Variants in ENOX1 observed in about 807,000 individuals in gnomAD.
ENOX1 encodes candidate growth-related and time keeping constitutive hydroquinone (NADH) oxidase.
Under a neutral mutation model 82.5 loss-of-function variants are expected in ENOX1, and 42 were observed. The ratio of observed to expected loss-of-function variants is 0.51; its 90% CI spans 0.40 to 0.66. The LOEUF is 0.66. Among genes scored for constraint, ENOX1 ranks in the 30% least tolerant of loss-of-function variants. The probability of loss-of-function intolerance (pLI) is 0.00; values close to 1 mark genes in which losing one functional copy is unlikely to be tolerated. For synonymous variants in ENOX1, 271 were observed against 282.2 expected, an observed-to-expected ratio of 0.96 and a Z score of 0.40; for missense variants, 608 against 811.6, an observed-to-expected ratio of 0.75 and a Z score of 3.05.
chr13:43,315,951 G>T (rs1886326), intron 11 of ENOX1, among the ~76,000 whole-genome samples: 1 of 152,028 alleles, frequency 6.6e-6, no homozygotes, highest in Non-Finnish European at 1.5e-5. Context: ...GGCACTTTGG[G>T]CTGCACACAG....
chr13:43,411,541 A>G (rs1463940633), intron 5 of ENOX1, among the ~76,000 whole-genome samples: 2 of 152,226 alleles, frequency 1.3e-5, no homozygotes, highest in Non-Finnish European at 2.9e-5. Flanking sequence ...CATTAACAAG[A>G]GCAATAACAA....
At chr13:43,295,356 C>T (rs1384402556) in intron 12 of ENOX1, among the ~76,000 whole-genome samples, 11 of 152,286 alleles carry the variant, frequency 7.2e-5, no homozygotes, top group Non-Finnish European at 2.9e-5. Context: ...TAAATTGTGA[C>T]TCACATGGTG....
At chr13:43,748,226 A>T (rs1381877582) in intron 1 of ENOX1, among the ~76,000 whole-genome samples, 1 of 152,170 alleles carries the variant, frequency 6.6e-6, no homozygotes, top group African/African-American at 2.4e-5. Context: ...TTACTCTGAG[A>T]AACAGTCCAT....
chr13:43,765,362 T>A (rs562593677), intron 1 of ENOX1, among the ~76,000 whole-genome samples: 1 of 152,176 alleles, frequency 6.6e-6, no homozygotes, highest in Non-Finnish European at 1.5e-5. Context: ...CTTAATACTA[T>A]GCTCCCTGGA....
chr13:43,758,975 A>G (rs114149068), intron 1 of ENOX1, among the ~76,000 whole-genome samples: 2,187 of 152,312 alleles, frequency 0.014, 49 homozygotes, highest in African/African-American at 0.048. Context: ...GAGCAAAGGA[A>G]AGGACGCTCT....
At chr13:43,536,839 C>T (rs1593693149) in intron 2 of ENOX1, among the ~76,000 whole-genome samples, 1 of 152,280 alleles carries the variant, frequency 6.6e-6, no homozygotes, top group Admixed American at 6.5e-5. Context: ...TAAATGGATG[C>T]TCTATTTGTA....
At chr13:43,621,718 T>C (rs1042489557) in intron 2 of ENOX1, among the ~76,000 whole-genome samples, 1 of 152,202 alleles carries the variant, frequency 6.6e-6, no homozygotes, top group Admixed American at 6.5e-5. Context: ...GATAACCTGA[T>C]GACAATGTGC....
chr13:43,609,809 G>C (rs2082123943), intron 2 of ENOX1: 1 of 399,770 alleles, frequency 2.5e-6, no homozygotes, highest in Non-Finnish European at 3.4e-6. Context: ...ATTAATGTAA[G>C]GTGTATCAAC....
At chr13:43,753,604 A>G (rs1481918258) in intron 1 of ENOX1, among the ~76,000 whole-genome samples, 1 of 152,190 alleles carries the variant, frequency 6.6e-6, no homozygotes, top group Non-Finnish European at 1.5e-5. Context: ...AACTACCCAT[A>G]GGGAAAGACA....
intron 2 of ENOX1, among the ~76,000 whole-genome samples, chr13:43,581,675 T>C (rs931429619): frequency 3.9e-5 from 6 of 152,230 alleles, no homozygotes; most frequent in Non-Finnish European, 7.3e-5. Context: ...TGGGTATTTT[T>C]GATTGTCAAA....
Position 43,411,923 on chromosome 13 carries a change from G to A in ENOX1, c.201C>T (p.Leu67=), listed in dbSNP as rs764324372. 33 of 1,614,048 alleles carry A rather than the reference G, an allele frequency of 2.0e-5. No individual in the cohort carries two copies. The highest frequency in any genetic ancestry group is 3.3e-5 in the Admixed American group (2 of 60,010). The change falls in exon 5 of 17, where the codon CTC becomes CTT. Residue 67 remains leucine, a synonymous_variant. Coordinates refer to ENST00000690772, the MANE Select transcript of ENOX1 (RefSeq NM_001347969.2). The stretch of plus-strand genomic sequence containing the variant: ...AACCAGGAGAAAGCTTACCAGACAC[G>A]AGCTGCTGTCCAGGCAACCCTACGG... ...MVPVGLPGQQ[L]VSDSICVPGF...
chr13:43,575,517 G>A (rs1328338247), intron 2 of ENOX1, among the ~76,000 whole-genome samples: 1 of 152,120 alleles, frequency 6.6e-6, no homozygotes, highest in Non-Finnish European at 1.5e-5. Context: ...TAGTGTTCAG[G>A]TCACACCTTC....
At chr13:43,652,321 C>T (rs1304690384) in intron 2 of ENOX1, among the ~76,000 whole-genome samples, 1 of 152,182 alleles carries the variant, frequency 6.6e-6, no homozygotes, top group Non-Finnish European at 1.5e-5. Context: ...CACAATAACA[C>T]AGAGGCCCTA....
chr13:43,475,778 CA>C (rs1447178823), intron 3 of ENOX1, among the ~76,000 whole-genome samples: 1 of 10,190 alleles, frequency 9.8e-5, no homozygotes, highest in East Asian at 3.2e-3. Context: ...CAATCATATA[CA>C]AAAACATAAC....
chr13:43,666,446 A>G (rs1473767709), intron 2 of ENOX1, among the ~76,000 whole-genome samples: 4 of 152,182 alleles, frequency 2.6e-5, no homozygotes, highest in Admixed American at 2.6e-4. Flanking sequence ...GTGTCCTTAC[A>G]AAAAGGAAAC....
chr13:43,572,388 T>A (rs2080224002), intron 2 of ENOX1, among the ~76,000 whole-genome samples: 1 of 152,228 alleles, frequency 6.6e-6, no homozygotes, highest in South Asian at 2.1e-4. Flanking sequence ...CCTTCTTGCC[T>A]GTTGGAAGCA....
At chr13:43,778,740 C>A (rs1008999151) in intron 1 of ENOX1, among the ~76,000 whole-genome samples, 1 of 151,324 alleles carries the variant, frequency 6.6e-6, no homozygotes, top group African/African-American at 2.4e-5. Flanking sequence ...TATGCTCAGA[C>A]ATGTACTACT....
intron 3 of ENOX1, among the ~76,000 whole-genome samples, chr13:43,468,485 A>C (rs1232133178): frequency 6.6e-6 from 1 of 151,796 alleles, no homozygotes; most frequent in Non-Finnish European, 1.5e-5. Flanking sequence ...CTGCCCTATA[A>C]ATTTCTTTTA....
intron 15 of ENOX1, among the ~76,000 whole-genome samples, chr13:43,224,634 G>A (rs2041943733): frequency 6.6e-6 from 1 of 152,130 alleles, no homozygotes; most frequent in Admixed American, 6.5e-5. Context: ...TGCCATTGAA[G>A]GAAGCCCAAA....
Sources: allele counts gnomAD v4.1 joint callset (sites outside exome capture counted in the v4.1 genomes callset), GRCh38; gene constraint gnomAD v4.1.1; transcripts MANE v1.5; gene names NCBI Gene and HGNC (gene_info 2026-07-23, HGNC 2026-07-21).